Variants in CDH13 observed in about 807,000 individuals in gnomAD.
The protein encoded by CDH13 is cadherin-13.
CDH13 carries 24 observed loss-of-function variants against 63.8 expected under a neutral mutation model. The ratio of observed to expected loss-of-function variants is 0.38; its 90% confidence interval spans 0.27 to 0.53. The LOEUF (loss-of-function observed/expected upper bound fraction) is 0.53, where lower values mean the gene tolerates loss of function less well. Ranked by LOEUF, CDH13 falls within the 20% of genes least tolerant of loss-of-function variation. CDH13 has a pLI of 0.85. For missense variants in CDH13, 1,049 were observed against 903.1 expected, an observed-to-expected ratio of 1.16 and a Z score of -2.07; for synonymous variants, 503 against 355.3, an observed-to-expected ratio of 1.42 and a Z score of -4.67.
At chr16:83,407,408 A>G (rs1364151520) in intron 6 of CDH13, among the ~76,000 whole-genome samples, 2 of 152,214 alleles carry the variant, frequency 1.3e-5, no homozygotes, top group Non-Finnish European at 2.9e-5. Flanking sequence ...AAACATTATC[A>G]TCTTAGCCCC....
intron 5 of CDH13, among the ~76,000 whole-genome samples, chr16:83,286,924 A>C (rs889727): frequency 0.51 from 77,547 of 151,606 alleles, 20,088 homozygotes; most frequent in Non-Finnish European, 0.56. Flanking sequence ...TTTGATTCCT[A>C]CTTGTCCCCC....
chr16:83,307,535 C>G (rs766172466), intron 5 of CDH13, among the ~76,000 whole-genome samples: 1 of 152,166 alleles, frequency 6.6e-6, no homozygotes, highest in Non-Finnish European at 1.5e-5. Context: ...AATAGGAGCA[C>G]CAAATCCTTC....
intron 1 of CDH13, among the ~76,000 whole-genome samples, chr16:82,657,519 T>C (rs1483913825): frequency 6.6e-6 from 1 of 152,206 alleles, no homozygotes; most frequent in African/African-American, 2.4e-5. Flanking sequence ...ATTTAAAACT[T>C]ATGAATTATT....
intron 6 of CDH13, among the ~76,000 whole-genome samples, chr16:83,400,665 G>A (rs981998948): frequency 2.0e-5 from 3 of 152,148 alleles, no homozygotes; most frequent in African/African-American, 7.2e-5. Flanking sequence ...CTTTATCACA[G>A]TGGGGTTGTG....
At chr16:82,795,082 T>C (rs2036517568) in intron 1 of CDH13, among the ~76,000 whole-genome samples, 1 of 152,188 alleles carries the variant, frequency 6.6e-6, no homozygotes. Context: ...CCCATACTCA[T>C]CTCCAACTGG....
At chr16:83,438,812 G>T (rs568797363) in intron 6 of CDH13, among the ~76,000 whole-genome samples, 31 of 152,312 alleles carry the variant, frequency 2.0e-4, no homozygotes, top group Non-Finnish European at 3.4e-4. Context: ...GTGCCAGAAA[G>T]TCTATGCAGC....
intron 2 of CDH13, among the ~76,000 whole-genome samples, chr16:83,030,063 A>T (rs1458501146): frequency 6.6e-6 from 1 of 152,164 alleles, no homozygotes; most frequent in Non-Finnish European, 1.5e-5. Context: ...GGGGAGCATG[A>T]TCAGCCGTCA....
intron 5 of CDH13, among the ~76,000 whole-genome samples, chr16:83,272,350 C>T (rs1429322137): frequency 6.6e-6 from 1 of 152,196 alleles, no homozygotes; most frequent in African/African-American, 2.4e-5. Flanking sequence ...AAAGGCTGAG[C>T]ATCCCTGAGT....
chr16:83,059,198 G>A (rs60866467), intron 3 of CDH13, among the ~76,000 whole-genome samples: 1,639 of 152,206 alleles, frequency 0.011, 35 homozygotes, highest in African/African-American at 0.038. Context: ...AGATCCTCTG[G>A]GAACCCTATG....
intron 6 of CDH13, among the ~76,000 whole-genome samples, chr16:83,350,300 C>T (rs1036574105): frequency 3.9e-5 from 6 of 152,186 alleles, no homozygotes; most frequent in African/African-American, 1.4e-4. Context: ...GGTGGGGCAG[C>T]TTTGAGAAAG....
chr16:83,751,158 A>G (rs1456470947), intron 11 of CDH13, among the ~76,000 whole-genome samples: 1 of 152,096 alleles, frequency 6.6e-6, no homozygotes, highest in African/African-American at 2.4e-5. Flanking sequence ...AATGCCCAGC[A>G]CCTACCATGG....
rs8053876 is a variant in CDH13, at chr16:82,920,521, G to A, written c.157+62048G>A. Among the ~76,000 whole-genome samples, 908 of 152,304 alleles carry A rather than the reference G, an allele frequency of 6.0e-3. 6 individuals are homozygous for A. Among genetic ancestry groups the A allele is most frequent in the African/African-American group, 0.021 (866 of 41,562 alleles). ...AAATGCCCCTCCTACAACTAGGAAT[G>A]GAGTCACCCCATCTGTAAACAGACT... On this transcript the variant is annotated intron_variant, in intron 2 of 13. Transcript: ENST00000567109.
intron 5 of CDH13, among the ~76,000 whole-genome samples, chr16:83,261,016 C>A (rs897790089): frequency 2.0e-5 from 3 of 151,926 alleles, no homozygotes; most frequent in South Asian, 2.1e-4. Flanking sequence ...AGCAGCATCC[C>A]ATGTCCTTTG....
intron 7 of CDH13, among the ~76,000 whole-genome samples, chr16:83,529,431 G>T (rs1252743968): frequency 6.6e-6 from 1 of 152,106 alleles, no homozygotes; most frequent in Non-Finnish European, 1.5e-5. Flanking sequence ...AAAATAAAAG[G>T]TTAGATCTCC....
intron 1 of CDH13, among the ~76,000 whole-genome samples, chr16:82,797,222 G>C: frequency 6.6e-6 from 1 of 152,296 alleles, no homozygotes; most frequent in South Asian, 2.1e-4. Flanking sequence ...AATACGGTTT[G>C]CTGTACACTG....
intron 1 of CDH13, among the ~76,000 whole-genome samples, chr16:82,819,083 G>A (rs1012299619): frequency 6.6e-6 from 1 of 152,144 alleles, no homozygotes; most frequent in Non-Finnish European, 1.5e-5. Flanking sequence ...ACAGAAGATT[G>A]AGTTTTATGA....
chr16:82,753,623 G>A (rs1437225497), intron 1 of CDH13, among the ~76,000 whole-genome samples: 2 of 152,214 alleles, frequency 1.3e-5, no homozygotes. Context: ...GTGCTGTAAT[G>A]AGAGGCATGG....
At chr16:83,183,213 C>T (rs2038405010) in intron 4 of CDH13, among the ~76,000 whole-genome samples, 1 of 152,152 alleles carries the variant, frequency 6.6e-6, no homozygotes, top group South Asian at 2.1e-4. Context: ...GTGGGAAGTG[C>T]TTTATTTGAG....
At chr16:83,592,400 T>C (rs1287252501) in intron 7 of CDH13, among the ~76,000 whole-genome samples, 1 of 152,210 alleles carries the variant, frequency 6.6e-6, no homozygotes, top group Non-Finnish European at 1.5e-5. Flanking sequence ...ATTTATCACA[T>C]CCTAGCAGTT....
Sources: gnomAD v4.1 joint callset for allele counts (sites outside exome capture counted in the v4.1 genomes callset) on GRCh38, gnomAD v4.1.1 for gene constraint, MANE v1.5 for transcripts, NCBI Gene and HGNC (gene_info 2026-07-23, HGNC 2026-07-21) for gene names.